The following HNF4A variants were observed in gnomAD, a reference collection of about 807,000 sequenced individuals.
HNF4A encodes the protein hepatocyte nuclear factor 4-alpha.
In HNF4A, 15 loss-of-function variants were observed where a neutral mutation model predicts 52.4. The observed-to-expected ratio is 0.29, with a 90% confidence interval of 0.19 to 0.44. The LOEUF (loss-of-function observed/expected upper bound fraction) is 0.44, where lower values mean the gene tolerates loss of function less well. HNF4A is among the 20% of genes least tolerant of loss of function. The pLI is 1.00. For missense variants in HNF4A, 479 were observed against 647.2 expected (o/e 0.74, Z 2.82); for synonymous variants, 280 against 264.4 (o/e 1.06, Z -0.57).
At chr20:44,358,597 C>A (rs756425782) in intron 1 of HNF4A, among the ~76,000 whole-genome samples, 1 of 151,746 alleles carries the variant, frequency 6.6e-6, no homozygotes, top group Non-Finnish European at 1.5e-5. Context: ...GGCAGCAGAA[C>A]AAGACTCTAT....
intron 3 of HNF4A, among the ~76,000 whole-genome samples, chr20:44,411,163 G>A (rs369699359): frequency 1.3e-5 from 2 of 152,188 alleles, no homozygotes; most frequent in Middle Eastern, 3.2e-3. Flanking sequence ...AGAGTTGCAG[G>A]AGGTGAGCGT....
intron 5 of HNF4A, among the ~76,000 whole-genome samples, chr20:44,417,153 C>T (rs941826604): frequency 9.6e-6 from 1 of 103,788 alleles, no homozygotes; most frequent in African/African-American, 3.4e-5. Flanking sequence ...AATGAACAAA[C>T]AAAGGATTTT....
chr20:44,386,633 T>C (rs967200966), intron 1 of HNF4A, among the ~76,000 whole-genome samples: 10 of 152,120 alleles, frequency 6.6e-5, no homozygotes, highest in African/African-American at 2.4e-4. Flanking sequence ...TGTCTGGAGA[T>C]AGTTTTGATT....
At chr20:44,387,470 G>A (rs2063240160) in intron 1 of HNF4A, among the ~76,000 whole-genome samples, 1 of 151,242 alleles carries the variant, frequency 6.6e-6, no homozygotes. Flanking sequence ...GGGCGTGCAT[G>A]GCCTCACAGT....
chr20:44,397,666 C>T (rs940153498), upstream of HNF4A, among the ~76,000 whole-genome samples: 1 of 151,872 alleles, frequency 6.6e-6, no homozygotes, highest in Non-Finnish European at 1.5e-5. Flanking sequence ...TGCTCTGTCA[C>T]CCAGGTGCAG....
At chr20:44,407,357 C>A (rs774527972) in intron 2 of HNF4A, 24 bp from the exon 3 acceptor site, 23 of 1,574,598 alleles carry the variant, frequency 1.5e-5, no homozygotes, top group East Asian at 2.3e-5. Context: ...TCTTCTCCAT[C>A]CAACCATCCA....
intron 1 of HNF4A, among the ~76,000 whole-genome samples, chr20:44,371,592 A>G (rs2063034667): frequency 6.6e-6 from 1 of 152,156 alleles, no homozygotes; most frequent in African/African-American, 2.4e-5. Flanking sequence ...TGGGAGGTGG[A>G]GGTGGGCAGA....
upstream of HNF4A, among the ~76,000 whole-genome samples, chr20:44,396,546 C>A (rs992010464): frequency 6.6e-6 from 1 of 152,100 alleles, no homozygotes; most frequent in African/African-American, 2.4e-5. Context: ...TGGGGCCCGA[C>A]AGCAAGTGAG....
chr20:44,406,101 C>A lies in HNF4A; in HGVS notation c.159C>A (p.Ser53Arg). ...GCACCAACCTCAACGCGCCCAACAG[C>A]CTGGGTGTCAGCGCCCTGTGTGCCA... The change falls in exon 2 of 10, where the codon AGC (serine) becomes AGA (arginine). Residue 53 changes from serine to arginine, a missense_variant. Physicochemically the swap from Ser to Arg is moderately radical, Grantham distance 110. This residue lies in a region of HNF4A where 90 missense variants were observed against 105.5 expected (regional missense o/e 0.85). Transcript: ENST00000316099. The A allele has an allele frequency of 6.2e-7, 1 of 1,613,358 alleles. No individual in the cohort carries two copies. Among genetic ancestry groups the A allele is most frequent in the Non-Finnish European group, 8.5e-7 (1 of 1,180,030 alleles).
chr20:44,383,430 C>T (rs2063179967), intron 1 of HNF4A, among the ~76,000 whole-genome samples: 1 of 152,142 alleles, frequency 6.6e-6, no homozygotes, highest in Non-Finnish European at 1.5e-5. Context: ...AATTTAAGCC[C>T]AGGATGTCAA....
chr20:44,421,686 G>A (rs1221417249), intron 7 of HNF4A, among the ~76,000 whole-genome samples: 1 of 151,238 alleles, frequency 6.6e-6, no homozygotes, highest in Non-Finnish European at 1.5e-5. Flanking sequence ...CCTGGGAGGC[G>A]GGGGTTGCAG....
At position 44,429,980 on chromosome 20, in the gene HNF4A, G is replaced by T. The variant is rs575245692; in HGVS notation, c.*315G>T. On this transcript the variant is annotated 3_prime_UTR_variant, in exon 10 of 10. Coordinates refer to ENST00000316099, the MANE Select transcript of HNF4A (RefSeq NM_000457.6). ...CCCGACTTCATCCCAAAGGACAGCC[G>T]CCTGGAGATGACTTGAGGCCTTACT... 1.9e-5 allele frequency: 7 copies of T among 376,426 alleles called. No homozygotes were observed. Among genetic ancestry groups the T allele is most frequent in the African/African-American group, 4.1e-5 (2 of 48,414 alleles). The allele number at this position is 376,426 out of a possible 1,614,324, so 23.3% of individuals were successfully genotyped here. A position where few individuals can be genotyped will look rare whatever the true frequency, so the allele number is the denominator to read the frequency against.
chr20:44,422,092 C>T (rs79595534), intron 7 of HNF4A, among the ~76,000 whole-genome samples: 2,435 of 152,042 alleles, frequency 0.016, 59 homozygotes, highest in African/African-American at 0.057. Flanking sequence ...GTCACACAAC[C>T]GGAAAATGGC....
chr20:44,396,258 T>G (rs1189053985), upstream of HNF4A, among the ~76,000 whole-genome samples: 5 of 152,196 alleles, frequency 3.3e-5, no homozygotes, highest in Non-Finnish European at 7.3e-5. Flanking sequence ...ATAGCCCCTA[T>G]CTCAACAGGC....
intron 1 of HNF4A, among the ~76,000 whole-genome samples, chr20:44,370,835 C>G (rs963004672): frequency 6.6e-6 from 1 of 152,234 alleles, no homozygotes; most frequent in African/African-American, 2.4e-5. Context: ...ACAGACCTCT[C>G]TCTCCCCAGA....
At chr20:44,370,962 T>C (rs2146204834) in intron 1 of HNF4A, among the ~76,000 whole-genome samples, 1 of 152,220 alleles carries the variant, frequency 6.6e-6, no homozygotes. Flanking sequence ...CCAGCAGAGT[T>C]TGTGAAGGAG....
intron 1 of HNF4A, chr20:44,390,805 A>G: frequency 1.6e-6 from 1 of 623,504 alleles, no homozygotes; most frequent in Non-Finnish European, 2.9e-6. Flanking sequence ...CCCCTAACCC[A>G]GGAACGTCCA....
At chr20:44,404,985 G>A (rs1391997061) in intron 1 of HNF4A, among the ~76,000 whole-genome samples, 133 of 6,094 alleles carry the variant, frequency 0.022, 1 homozygote, top group African/African-American at 0.066. Context: ...TGTGTAAGGT[G>A]TGTGTGTGCT....
chr20:44,429,741 G>T lies in HNF4A; in HGVS notation c.*76G>T, dbSNP rs11574743. 7.5e-4 allele frequency: 1,090 copies of T among 1,452,424 alleles called. 24 individuals carry two copies. The South Asian group carries it at 0.012, about 16-fold the overall frequency. 90.0% of individuals were successfully genotyped at this position (1,452,424 alleles called of 1,614,324 possible). A position where few individuals can be genotyped will look rare whatever the true frequency, so the allele number is the denominator to read the frequency against. ...GAGCACCTGGTGATCACGTGGTCACGGCAAAGGAAGACGTGATGCCAGGAC... is the reference window on the plus strand; with the variant it reads ...GAGCACCTGGTGATCACGTGGTCACTGCAAAGGAAGACGTGATGCCAGGAC... On this transcript the variant is annotated 3_prime_UTR_variant, in exon 10 of 10. Transcript: ENST00000316099.
Sources: allele counts gnomAD v4.1 joint callset (sites outside exome capture counted in the v4.1 genomes callset), GRCh38; gene constraint gnomAD v4.1.1; regional missense constraint gnomAD v4.1.1; transcripts MANE v1.5; gene names NCBI Gene and HGNC (gene_info 2026-07-23, HGNC 2026-07-21).